The following GLRX3 variants were observed in gnomAD, a reference collection of about 807,000 sequenced individuals.
GLRX3 encodes glutaredoxin 3.
GLRX3 carries 22 observed loss-of-function variants against 49.5 expected under a neutral mutation model. The observed-to-expected ratio is 0.44, with a 90% CI of 0.32 to 0.63. The LOEUF is 0.63. Among genes scored for constraint, GLRX3 ranks in the 30% least tolerant of loss-of-function variants. The probability of loss-of-function intolerance (pLI) is 0.05; values close to 1 mark genes in which losing one functional copy is unlikely to be tolerated. For missense variants in GLRX3, 385 were observed against 396.3 expected (o/e 0.97, Z 0.24); for synonymous variants, 133 against 140.0 (o/e 0.95, Z 0.35).
Position 130,136,444 on chromosome 10 carries a change from A to C in GLRX3, c.24A>C (p.Ala8=). 7.9e-6 allele frequency: 10 copies of C among 1,260,756 alleles called. No homozygotes were observed. Among genetic ancestry groups the C allele is most frequent in the Non-Finnish European group, 9.0e-6 (9 of 997,032 alleles). The allele number at this position is 1,260,756 out of a possible 1,614,324, so 78.1% of individuals were successfully genotyped here. A position where few individuals can be genotyped will look rare whatever the true frequency, so the allele number is the denominator to read the frequency against. The change falls in exon 1 of 11, where the codon GCA becomes GCC. Residue 8 remains alanine, a synonymous_variant. Coordinates refer to ENST00000331244, the MANE Select transcript of GLRX3 (RefSeq NM_006541.5). MAAGAAE[A]AVAAVEEVGS... ...GCATGGCGGCGGGGGCGGCTGAGGCAGCTGTAGCGGCCGTGGAGGAGGTCG... is the reference window on the plus strand; with the variant it reads ...GCATGGCGGCGGGGGCGGCTGAGGCCGCTGTAGCGGCCGTGGAGGAGGTCG...
chr10:130,160,690 T>G, intron 3 of GLRX3, 106 bp from the exon 4 acceptor site: 1 of 684,078 alleles, frequency 1.5e-6, no homozygotes, highest in Non-Finnish European at 2.6e-6. Context: ...TGAGGGTTTC[T>G]TTTTTTACAT....
intron 1 of GLRX3, among the ~76,000 whole-genome samples, chr10:130,137,356 A>C (rs951272132): frequency 6.6e-6 from 1 of 152,210 alleles, no homozygotes; most frequent in African/African-American, 2.4e-5. Context: ...GCCTGCAGGG[A>C]AAGGTCTGCA....
chr10:130,138,277 T>A (rs1279584946), intron 1 of GLRX3, among the ~76,000 whole-genome samples: 1 of 152,066 alleles, frequency 6.6e-6, no homozygotes, highest in Non-Finnish European at 1.5e-5. Flanking sequence ...GGCTGGTCTC[T>A]GGAACTCCTG....
At position 130,169,415 on chromosome 10, in the gene GLRX3, T is replaced by G; in HGVS notation, c.714-18T>G. Reference sequence around the variant, plus strand: ...CATAATTGAGCTGAGCCGTTTTATATCAATTTTCTCTCTTTAGGCTCAAAG... The same window carrying G: ...CATAATTGAGCTGAGCCGTTTTATAGCAATTTTCTCTCTTTAGGCTCAAAG... On this transcript the variant is annotated intron_variant, in intron 6 of 10. Transcript: ENST00000331244. 1 of 1,577,198 alleles carries G rather than the reference T, an allele frequency of 6.3e-7. No homozygotes were observed. Among genetic ancestry groups the G allele is most frequent in the Non-Finnish European group, 8.7e-7 (1 of 1,146,276 alleles).
At position 130,166,692 on chromosome 10, in the gene GLRX3, A is replaced by T. The variant is rs755065577; in HGVS notation, c.651+13A>T. ...TGATATAATTAAGGTTAGAATTGAG[A>T]AGTCTGTGCTTTGTAAAGAAATTCC... On this transcript the variant is annotated intron_variant, in intron 5 of 10. Transcript: ENST00000331244. 2.6e-6 allele frequency: 4 copies of T among 1,536,018 alleles called. No homozygotes were observed. In the South Asian group the frequency reaches 4.6e-5, roughly 18 times the overall value.
chr10:130,152,891 A>G (rs1862404994), intron 2 of GLRX3, among the ~76,000 whole-genome samples: 1 of 152,090 alleles, frequency 6.6e-6, no homozygotes, highest in South Asian at 2.1e-4. Flanking sequence ...TATCCTGAAG[A>G]GTGTTTCCTA....
At chr10:130,139,757 A>G (rs1366453764) in intron 1 of GLRX3, among the ~76,000 whole-genome samples, 1 of 151,068 alleles carries the variant, frequency 6.6e-6, no homozygotes, top group African/African-American at 2.4e-5. Context: ...CATAGAACCC[A>G]TCTCTACAAA....
chr10:130,165,374 T>C (rs1282043033), intron 4 of GLRX3, among the ~76,000 whole-genome samples: 2 of 152,146 alleles, frequency 1.3e-5, no homozygotes, highest in Non-Finnish European at 2.9e-5. Context: ...ATTCACACTC[T>C]TATTCTTCAG....
chr10:130,167,610 G>C (rs1862718117), intron 6 of GLRX3, among the ~76,000 whole-genome samples: 1 of 152,082 alleles, frequency 6.6e-6, no homozygotes, highest in Non-Finnish European at 1.5e-5. Context: ...AATTAATATA[G>C]AACTTTAAAA....
In GLRX3 at chr10:130,145,226, C is replaced by G. The variant is rs1862248728; in HGVS notation, c.108C>G (p.Val36=). Reference sequence around the variant, plus strand: ...TGATTTACAGGTCCCTCCTTGTGGTCCATTTCTGGGCACCATGGGCTCCAC... The same window carrying G: ...TGATTTACAGGTCCCTCCTTGTGGTGCATTTCTGGGCACCATGGGCTCCAC... ...LRLKAKSLLV[V]HFWAPWAPQC... Residue 36 remains valine, a synonymous_variant, in exon 2 of 11, where the codon GTC becomes GTG. Transcript: ENST00000331244. 5.5e-6 allele frequency: 8 copies of G among 1,449,756 alleles called. No homozygotes were observed. The Admixed American group carries it at 6.9e-5, about 13-fold the overall frequency. 89.8% of individuals were successfully genotyped at this position (1,449,756 alleles called of 1,614,324 possible).
chr10:130,169,069 T>C (rs1862752166), intron 6 of GLRX3, among the ~76,000 whole-genome samples: 1 of 152,180 alleles, frequency 6.6e-6, no homozygotes, highest in Admixed American at 6.5e-5. Context: ...AGCATCATGA[T>C]GGAAGATGGT....
chr10:130,147,223 T>C (rs1323056219), intron 2 of GLRX3, among the ~76,000 whole-genome samples: 1 of 152,204 alleles, frequency 6.6e-6, no homozygotes, highest in Non-Finnish European at 1.5e-5. Context: ...TGGTCAGTGA[T>C]AAAAGATAAT....
intron 10 of GLRX3, among the ~76,000 whole-genome samples, chr10:130,177,490 C>T (rs747189332): frequency 1.2e-4 from 19 of 152,176 alleles, no homozygotes; most frequent in Non-Finnish European, 2.5e-4. Flanking sequence ...GGCTGCTTCA[C>T]GTAATCTCCC....
intron 7 of GLRX3, 106 bp downstream of exon 7, chr10:130,169,596 C>A: frequency 1.3e-6 from 1 of 749,816 alleles, no homozygotes. Flanking sequence ...GAAGCTGTAG[C>A]GATATCAGGA....
chr10:130,177,652 G>A (rs987056431), intron 10 of GLRX3, among the ~76,000 whole-genome samples: 5 of 152,172 alleles, frequency 3.3e-5, no homozygotes, highest in South Asian at 2.1e-4. Context: ...ACTCAGCTGC[G>A]TGGTCCTCTC....
chr10:130,172,269 T>G (rs1461036262), intron 8 of GLRX3, among the ~76,000 whole-genome samples: 1 of 152,194 alleles, frequency 6.6e-6, no homozygotes, highest in Admixed American at 6.5e-5. Context: ...TTAATTTTTC[T>G]CAAATATCCT....
chr10:130,162,179 C>G (rs1433998412), intron 4 of GLRX3, among the ~76,000 whole-genome samples: 1 of 152,114 alleles, frequency 6.6e-6, no homozygotes, highest in Non-Finnish European at 1.5e-5. Context: ...AGGGTTTGTC[C>G]ATGTTGGTCA....
chr10:130,175,935 T>A (rs1447710270), intron 10 of GLRX3, among the ~76,000 whole-genome samples: 1 of 152,178 alleles, frequency 6.6e-6, no homozygotes, highest in Non-Finnish European at 1.5e-5. Context: ...TGGGCAGGAA[T>A]GCCAGGGTCT....
At chr10:130,170,292 C>CA (rs1268034094) in intron 7 of GLRX3, among the ~76,000 whole-genome samples, 11 of 152,196 alleles carry the variant, frequency 7.2e-5, no homozygotes, top group African/African-American at 2.7e-4. Flanking sequence ...GAAACTGCCT[C>CA]ACTTGTTAGC....
Sources: gnomAD v4.1 joint callset for allele counts (sites outside exome capture counted in the v4.1 genomes callset) on GRCh38, gnomAD v4.1.1 for gene constraint, MANE v1.5 for transcripts, NCBI Gene and HGNC (gene_info 2026-07-23, HGNC 2026-07-21) for gene names.